CACNB2: variants seen among roughly 807,000 people sequenced by gnomAD.
CACNB2 encodes calcium voltage-gated channel auxiliary subunit beta 2.
A neutral mutation model predicts 73.3 loss-of-function variants in CACNB2; 42 were observed. The observed-to-expected ratio is 0.57, with a 90% CI of 0.45 to 0.74. CACNB2 has a LOEUF of 0.74. Among genes scored for constraint, CACNB2 ranks in the 30% least tolerant of loss-of-function variants. The pLI, the probability that CACNB2 is intolerant of heterozygous loss-of-function variation, is 0.00. For synonymous variants in CACNB2, 348 were observed against 310.3 expected, an observed-to-expected ratio of 1.12 and a Z score of -1.28; for missense variants, 940 against 853.0, an observed-to-expected ratio of 1.10 and a Z score of -1.27.
In CACNB2 at chr10:18,518,976, T is replaced by C; in HGVS notation, c.944+8T>C. Reference sequence around the variant, plus strand: ...ACACAGATTTGAAGGGCGGTGAGTATTTCAGCATACTGGGTTTTGTGGATT... The same window carrying C: ...ACACAGATTTGAAGGGCGGTGAGTACTTCAGCATACTGGGTTTTGTGGATT... On this transcript the variant is annotated splice_region_variant and intron_variant, in intron 9 of 13. Transcript: ENST00000324631. 1 of 1,613,202 alleles carries C rather than the reference T, an allele frequency of 6.2e-7. No individual in the cohort carries two copies. The highest frequency in any genetic ancestry group is 2.2e-5 in the East Asian group (1 of 44,856).
At chr10:18,308,106 A>G (rs1194512416) in intron 2 of CACNB2, among the ~76,000 whole-genome samples, 1 of 144,840 alleles carries the variant, frequency 6.9e-6, no homozygotes, top group Non-Finnish European at 1.5e-5. Context: ...CGATTCTCCT[A>G]TCTCAGCCTC....
chr10:18,531,632 G>C (rs573672945), intron 10 of CACNB2, among the ~76,000 whole-genome samples: 1 of 152,260 alleles, frequency 6.6e-6, no homozygotes, highest in South Asian at 2.1e-4. Flanking sequence ...CCCATCAACA[G>C]TGTATAAGCG....
chr10:18,401,093 A>G (rs772055505), intron 2 of CACNB2: 4 of 1,614,146 alleles, frequency 2.5e-6, no homozygotes, highest in South Asian at 1.1e-5. Context: ...AAGAATTCTG[A>G]TATCTGTGTA....
At chr10:18,291,530 G>A (rs1158979725) in intron 2 of CACNB2, among the ~76,000 whole-genome samples, 2 of 152,192 alleles carry the variant, frequency 1.3e-5, no homozygotes, top group Non-Finnish European at 2.9e-5. Context: ...TGTGATGTGT[G>A]TGTTCACGTG....
chr10:18,297,655 A>T (rs1466224954), intron 2 of CACNB2, among the ~76,000 whole-genome samples: 1 of 152,108 alleles, frequency 6.6e-6, no homozygotes, highest in African/African-American at 2.4e-5. Flanking sequence ...TTCAGAACCA[A>T]CCTGAGCCCA....
At chr10:18,527,476 A>C (rs2052593091) in intron 9 of CACNB2, 112 bp from the exon 10 acceptor site, 2 of 752,400 alleles carry the variant, frequency 2.7e-6, no homozygotes, top group Non-Finnish European at 4.8e-6. Flanking sequence ...TATGGTTTGA[A>C]AATATGGTTG....
intron 2 of CACNB2, among the ~76,000 whole-genome samples, chr10:18,294,938 A>G (rs967187803): frequency 1.3e-5 from 2 of 152,252 alleles, no homozygotes; most frequent in Admixed American, 6.5e-5. Flanking sequence ...GTGCCTGCCA[A>G]TGAAGGTTAT....
intron 2 of CACNB2, among the ~76,000 whole-genome samples, chr10:18,216,457 T>A (rs2035515972): frequency 1.3e-5 from 2 of 152,094 alleles, no homozygotes; most frequent in South Asian, 4.2e-4. Context: ...AGCTACATGG[T>A]GATTATTATG....
intron 3 of CACNB2, among the ~76,000 whole-genome samples, chr10:18,442,955 T>TATAC (rs1401222910): frequency 5.3e-5 from 1 of 18,844 alleles, no homozygotes; most frequent in Non-Finnish European, 7.7e-5. Context: ...TATATATATA[T>TATAC]ATGTATATAT....
At chr10:18,343,870 A>G (rs4453118) in intron 2 of CACNB2, among the ~76,000 whole-genome samples, 42,865 of 152,016 alleles carry the variant, frequency 0.28, 6,463 homozygotes, top group Middle Eastern at 0.35. Flanking sequence ...GTCTCTGCAT[A>G]TGTGAACATT....
chr10:18,355,478 A>G (rs892931964), intron 2 of CACNB2, among the ~76,000 whole-genome samples: 4 of 152,208 alleles, frequency 2.6e-5, no homozygotes, highest in Non-Finnish European at 5.9e-5. Context: ...GATATCACAC[A>G]AATGATTACG....
intron 3 of CACNB2, among the ~76,000 whole-genome samples, chr10:18,465,321 C>G (rs2047819224): frequency 6.6e-6 from 1 of 152,096 alleles, no homozygotes; most frequent in Admixed American, 6.6e-5. Flanking sequence ...CAAAGCAAGA[C>G]TCTGTCTCAG....
In CACNB2 at chr10:18,369,597, G is replaced by A. The variant is rs556509257; in HGVS notation, c.214-32327G>A. On this transcript the variant is annotated intron_variant, in intron 2 of 13. Transcript: ENST00000324631. ...TGTGTCTTGTTAGAGGGTGGAACTG[G>A]GCCATTAGTGGACAAAAGGGATAAG... is the stretch of plus-strand genomic sequence containing the variant. 1.2e-3 allele frequency among the ~76,000 whole-genome samples: 190 copies of A among 152,136 alleles called. 1 individual carries two copies. The highest frequency in any genetic ancestry group is 4.3e-3 in the African/African-American group (180 of 41,520).
At chr10:18,220,664 A>T (rs970313096) in intron 2 of CACNB2, among the ~76,000 whole-genome samples, 3 of 152,264 alleles carry the variant, frequency 2.0e-5, no homozygotes, top group South Asian at 4.1e-4. Context: ...GCCCAGCAGT[A>T]GGTGAGCGCC....
intron 2 of CACNB2, among the ~76,000 whole-genome samples, chr10:18,307,060 G>T (rs1017175561): frequency 6.6e-5 from 10 of 151,862 alleles, no homozygotes; most frequent in Admixed American, 1.3e-4. Flanking sequence ...GCAGGATTTT[G>T]TATTTCACAT....
chr10:18,449,015 T>A lies in CACNB2; in HGVS notation c.333+46972T>A, dbSNP rs1052075845. On this transcript the variant is annotated intron_variant, in intron 3 of 13. Transcript: ENST00000324631. ...GTGTCTGTAAGTGAACAAATGGACCTTATGAAGATAGGTCATGTCCTATGG... is the reference window on the plus strand; with the variant it reads ...GTGTCTGTAAGTGAACAAATGGACCATATGAAGATAGGTCATGTCCTATGG... Among the ~76,000 whole-genome samples the A allele has an allele frequency of 2.6e-5, 4 of 152,262 alleles. No homozygotes were observed. In the South Asian group the frequency reaches 6.2e-4, roughly 24 times the overall value.
At chr10:18,241,980 A>G (rs78274108) in intron 2 of CACNB2, among the ~76,000 whole-genome samples, 12,505 of 152,136 alleles carry the variant, frequency 0.082, 566 homozygotes, top group Non-Finnish European at 0.11. Flanking sequence ...AATTACGTAT[A>G]TAGTCAACCA....
intron 3 of CACNB2, among the ~76,000 whole-genome samples, chr10:18,447,405 A>G (rs1176620759): frequency 2.0e-5 from 3 of 152,164 alleles, no homozygotes; most frequent in Non-Finnish European, 4.4e-5. Context: ...TAAAGGTGAA[A>G]TAGTAGGGAA....
At chr10:18,268,988 C>T (rs547281071) in intron 2 of CACNB2, among the ~76,000 whole-genome samples, 4 of 151,900 alleles carry the variant, frequency 2.6e-5, no homozygotes, top group Non-Finnish European at 5.9e-5. Context: ...TCCCAAATGT[C>T]CTTTAGGTCT....
Sources: gnomAD v4.1 joint callset for allele counts (sites outside exome capture counted in the v4.1 genomes callset) on GRCh38, gnomAD v4.1.1 for gene constraint, MANE v1.5 for transcripts, NCBI Gene and HGNC (gene_info 2026-07-23, HGNC 2026-07-21) for gene names.